COL4A6: variants seen among roughly 807,000 people sequenced by gnomAD.
The protein encoded by COL4A6 is collagen alpha-6(IV) chain.
Under a neutral mutation model 126.7 loss-of-function variants are expected in COL4A6, and 59 were observed. The observed-to-expected ratio is 0.47, with a 90% CI of 0.38 to 0.58. The LOEUF (loss-of-function observed/expected upper bound fraction) is 0.58. COL4A6 is among the 20% of genes least tolerant of loss of function. COL4A6 has a pLI of 0.00. For synonymous variants in COL4A6, 547 were observed against 496.6 expected, an observed-to-expected ratio of 1.10 and a Z score of -1.35; for missense variants, 1,285 against 1,337.3, an observed-to-expected ratio of 0.96 and a Z score of 0.61.
intron 44 of COL4A6, among the ~76,000 whole-genome samples, 194 bp downstream of exon 44, chrX:108,159,268 G>A (rs779450046): frequency 8.9e-6 from 1 of 112,464 alleles, no homozygotes; most frequent in Non-Finnish European, 1.9e-5. Context: ...GGTGCAAACT[G>A]CTGTCTTTCC....
At chrX:108,197,189 C>A (rs1026659986) in intron 13 of COL4A6, among the ~76,000 whole-genome samples, 1 of 111,836 alleles carries the variant, frequency 8.9e-6, no homozygotes, top group African/African-American at 3.2e-5. Context: ...CTTGCCTGGC[C>A]CTAGAGATAG....
intron 2 of COL4A6, among the ~76,000 whole-genome samples, chrX:108,388,774 C>A (rs1313950573): frequency 9.0e-6 from 1 of 111,248 alleles, no homozygotes; most frequent in Non-Finnish European, 1.9e-5. Flanking sequence ...AATTTGTTTG[C>A]TTTTGCTTCT....
At chrX:108,371,549 G>A (rs1017956111) in intron 2 of COL4A6, among the ~76,000 whole-genome samples, 2 of 99,779 alleles carry the variant, frequency 2.0e-5, no homozygotes, top group Non-Finnish European at 4.0e-5. Flanking sequence ...ATCAGCCTGG[G>A]TAACATGGAA....
chrX:108,193,735 T>C lies in COL4A6; in HGVS notation c.1003-38A>G, dbSNP rs763539230. On this transcript the variant is annotated intron_variant, in intron 16 of 44. Coordinates refer to ENST00000334504, the MANE Select transcript of COL4A6 (RefSeq NM_033641.4). ...AGTACATTAAACACAAATATTTCCA[T>C]TTCCTTATTACCCAAGATCTATGTG... is the stretch of plus-strand genomic sequence containing the variant. 33 of 1,084,146 alleles carry C rather than the reference T, an allele frequency of 3.0e-5. No homozygotes were observed. In the Admixed American group the frequency reaches 3.8e-4, roughly 13 times the overall value. The allele number at this position is 1,084,146 out of a possible 1,213,427, so 89.3% of individuals were successfully genotyped here. A position where few individuals can be genotyped will look rare whatever the true frequency, so the allele number is the denominator to read the frequency against.
intron 32 of COL4A6, 21 bp downstream of exon 32, chrX:108,172,448 G>GAA (rs759814805): frequency 9.9e-7 from 1 of 1,009,451 alleles, no homozygotes; most frequent in Non-Finnish European, 1.3e-6. Context: ...AACATTAAAA[G>GAA]AAAAAAAAAA....
intron 3 of COL4A6, among the ~76,000 whole-genome samples, chrX:108,243,864 A>G (rs748155848): frequency 8.9e-6 from 1 of 111,995 alleles, no homozygotes; most frequent in East Asian, 2.8e-4. Flanking sequence ...GATAGACATG[A>G]ACACCCTCCT....
chrX:108,408,833 T>G (rs1225757994), intron 2 of COL4A6, among the ~76,000 whole-genome samples: 5 of 111,068 alleles, frequency 4.5e-5, no homozygotes. Context: ...TGGTGGCACA[T>G]GCCTATAATC....
At position 108,177,038 on chromosome X, in the gene COL4A6, G is replaced by A. The variant is rs962683578; in HGVS notation, c.2516-27C>T. 4 of 1,190,116 alleles carry A rather than the reference G, an allele frequency of 3.4e-6. No homozygotes were observed. In the African/African-American group the frequency reaches 5.3e-5, roughly 16 times the overall value. ...TGAATAAGCACAGGAGAGAACACAGGACAGCTGTCAAGTGAGGCTCTGGCC... is the reference window on the plus strand; with the variant it reads ...TGAATAAGCACAGGAGAGAACACAGAACAGCTGTCAAGTGAGGCTCTGGCC... On this transcript the variant is annotated intron_variant, in intron 27 of 44. Coordinates refer to ENST00000334504, the MANE Select transcript of COL4A6 (RefSeq NM_033641.4).
intron 2 of COL4A6, among the ~76,000 whole-genome samples, chrX:108,339,341 A>G (rs11795937): frequency 0.23 from 26,003 of 111,238 alleles, 2,659 homozygotes; most frequent in East Asian, 0.58. Flanking sequence ...CTCTCATTGT[A>G]TTCGATTTTT....
intron 44 of COL4A6, among the ~76,000 whole-genome samples, chrX:108,158,672 G>A (rs1427829370): frequency 8.9e-6 from 1 of 111,973 alleles, no homozygotes; most frequent in Non-Finnish European, 1.9e-5. Context: ...GTACGCTAAT[G>A]TTGGGGAGCC....
At chrX:108,403,282 C>CTCTCTCT (rs2041134251) in intron 2 of COL4A6, among the ~76,000 whole-genome samples, 1 of 75,275 alleles carries the variant, frequency 1.3e-5, no homozygotes, top group African/African-American at 5.4e-5. Context: ...CTCTCTCTCT[C>CTCTCTCT]ATCTTGTTTT....
In COL4A6 at chrX:108,206,565, G is replaced by T; in HGVS notation, c.562C>A (p.Pro188Thr). The change falls in exon 9 of 45, where the codon CCC becomes ACC. Residue 188 changes from proline to threonine, a missense_variant. Physicochemically the swap from Pro to Thr is conservative, Grantham distance 38. Coordinates refer to ENST00000334504, the MANE Select transcript of COL4A6 (RefSeq NM_033641.4). Reference protein sequence around the residue: ...LDGITGPQGAPGFPGAVGPAG... With the variant: ...LDGITGPQGATGFPGAVGPAG... ...GGTCCTACAGCTCCAGGAAATCCGG[G>T]TGCTCCTTGTGGGCCCTAGAGAGGC... The T allele has an allele frequency of 8.3e-7, 1 of 1,210,188 alleles. No homozygotes were observed. The highest frequency in any genetic ancestry group is 1.1e-6 in the Non-Finnish European group (1 of 894,430).
At position 108,414,873 on chromosome X, in the gene COL4A6, C is replaced by T. The variant is rs188460357; in HGVS notation, c.63+23069G>A. On this transcript the variant is annotated intron_variant, in intron 2 of 44. Transcript: ENST00000334504. ...GTGAAAACAAAACATGTCTTTGAACCATATTAGGATCATGGATCACCAGTT... is the reference window on the plus strand; with the variant it reads ...GTGAAAACAAAACATGTCTTTGAACTATATTAGGATCATGGATCACCAGTT... Among the ~76,000 whole-genome samples, 667 of 111,463 alleles carry T rather than the reference C, an allele frequency of 6.0e-3. 2 individuals are homozygous for T. Among genetic ancestry groups the T allele is most frequent in the East Asian group, 0.036 (126 of 3,540 alleles).
chrX:108,246,235 C>T (rs1484234823), intron 3 of COL4A6, among the ~76,000 whole-genome samples: 3 of 111,928 alleles, frequency 2.7e-5, no homozygotes, highest in African/African-American at 9.7e-5. Flanking sequence ...ATGCGATTAA[C>T]AATAGCATCT....
At chrX:108,340,014 T>C (rs778745450) in intron 2 of COL4A6, among the ~76,000 whole-genome samples, 18 of 111,887 alleles carry the variant, frequency 1.6e-4, no homozygotes, top group Non-Finnish European at 3.0e-4. Context: ...TAACCTCATA[T>C]AGCTCTTCTT....
chrX:108,405,658 T>G (rs1015652963), intron 2 of COL4A6, among the ~76,000 whole-genome samples: 16 of 111,569 alleles, frequency 1.4e-4, no homozygotes, highest in Admixed American at 4.8e-4. Flanking sequence ...ACCCATCCAT[T>G]CCTATAGTTA....
At chrX:108,343,821 A>G (rs1250344378) in intron 2 of COL4A6, among the ~76,000 whole-genome samples, 3 of 105,459 alleles carry the variant, frequency 2.8e-5, no homozygotes, top group Non-Finnish European at 5.8e-5. Flanking sequence ...AAAAAAAAAA[A>G]GGCAGTGAAG....
intron 2 of COL4A6, among the ~76,000 whole-genome samples, chrX:108,374,976 G>A (rs1399195690): frequency 8.9e-6 from 1 of 112,023 alleles, no homozygotes; most frequent in Non-Finnish European, 1.9e-5. Flanking sequence ...TAAGTAAACG[G>A]AAAAGAGAAG....
intron 3 of COL4A6, among the ~76,000 whole-genome samples, chrX:108,295,989 G>A (rs781149215): frequency 1.1e-4 from 12 of 112,163 alleles, no homozygotes; most frequent in Non-Finnish European, 2.3e-4. Flanking sequence ...GCCAAATTAT[G>A]TTATCAGAAC....
Sources: allele counts gnomAD v4.1 joint callset (sites outside exome capture counted in the v4.1 genomes callset), GRCh38; gene constraint gnomAD v4.1.1; transcripts MANE v1.5; gene names NCBI Gene and HGNC (gene_info 2026-07-23, HGNC 2026-07-21).